ROBO1: variants seen among roughly 807,000 people sequenced by gnomAD.
ROBO1 encodes roundabout guidance receptor 1.
ROBO1 carries 149 observed loss-of-function variants against 195.9 expected under a neutral mutation model. That is an observed-to-expected ratio of 0.76 (90% CI 0.67 to 0.87). ROBO1 has a LOEUF of 0.87. Ranked by LOEUF, ROBO1 falls within the 40% of genes least tolerant of loss-of-function variation. The pLI is 0.00. For synonymous variants in ROBO1, 816 were observed against 733.2 expected (o/e 1.11, Z -1.82); for missense variants, 1,933 against 2,068.3 (o/e 0.93, Z 1.27).
At chr3:78,996,670 A>T (rs2077373831) in intron 3 of ROBO1, among the ~76,000 whole-genome samples, 1 of 152,144 alleles carries the variant, frequency 6.6e-6, no homozygotes, top group Admixed American at 6.6e-5. Context: ...TGAGTGAACA[A>T]GATAGATCCA....
At position 78,991,163 on chromosome 3, in the gene ROBO1, C is replaced by T. The variant is rs1436073519; in HGVS notation, c.173-52236G>A. 2.0e-5 allele frequency among the ~76,000 whole-genome samples: 3 copies of T among 152,114 alleles called. No individual in the cohort carries two copies. The East Asian group carries it at 5.8e-4, about 29-fold the overall frequency. ...ACAATGCCTCCTCTATTTCTGAAAA[C>T]CCACTGAAATAAATGTGCAAAGGTA... is the stretch of plus-strand genomic sequence containing the variant. On this transcript the variant is annotated intron_variant, in intron 3 of 30. Coordinates refer to ENST00000464233, the MANE Select transcript of ROBO1 (RefSeq NM_002941.4).
chr3:78,977,709 G>C (rs2076911904), intron 3 of ROBO1, among the ~76,000 whole-genome samples: 1 of 151,774 alleles, frequency 6.6e-6, no homozygotes, highest in Non-Finnish European at 1.5e-5. Flanking sequence ...GATCCACCTA[G>C]AAATATATAC....
At chr3:79,707,458 CT>C (rs1947808032) in intron 1 of ROBO1, among the ~76,000 whole-genome samples, 1 of 151,996 alleles carries the variant, frequency 6.6e-6, no homozygotes. Flanking sequence ...GCTCTCATTG[CT>C]TTTTCTCTGT....
intron 3 of ROBO1, among the ~76,000 whole-genome samples, chr3:78,951,014 A>G (rs1009832265): frequency 6.6e-6 from 1 of 151,696 alleles, no homozygotes; most frequent in African/African-American, 2.4e-5. Flanking sequence ...GGGAAAACCT[A>G]TATCATAAAT....
At chr3:78,946,776 C>G (rs1336001884) in intron 3 of ROBO1, among the ~76,000 whole-genome samples, 1 of 152,026 alleles carries the variant, frequency 6.6e-6, no homozygotes, top group African/African-American at 2.4e-5. Flanking sequence ...TTCAGGAGAC[C>G]CATCTCACGT....
intron 4 of ROBO1, among the ~76,000 whole-genome samples, chr3:78,926,422 G>T (rs1560008294): frequency 6.6e-6 from 1 of 152,180 alleles, no homozygotes; most frequent in Non-Finnish European, 1.5e-5. Flanking sequence ...TACTGAAGCT[G>T]TTCAGGAGAA....
intron 4 of ROBO1, among the ~76,000 whole-genome samples, chr3:78,828,314 C>T (rs1162571531): frequency 6.6e-6 from 1 of 152,068 alleles, no homozygotes; most frequent in Non-Finnish European, 1.5e-5. Flanking sequence ...GTCTAAAGGC[C>T]AATTTTCTAA....
chr3:79,503,442 A>G (rs1940221470), intron 2 of ROBO1, among the ~76,000 whole-genome samples: 1 of 152,198 alleles, frequency 6.6e-6, no homozygotes. Context: ...CAGTGAGACC[A>G]AGAACCTACC....
chr3:79,760,251 A>AAAAAAAAAAAAAAAAAAAAAAT (rs1704619991), intron 1 of ROBO1, among the ~76,000 whole-genome samples: 1 of 143,736 alleles, frequency 7.0e-6, no homozygotes, highest in Non-Finnish European at 1.5e-5. Flanking sequence ...AAAAAAAAAA[A>AAAAAAAAAAAAAAAAAAAAAAT]AAAAAAAAAA....
Position 78,617,876 on chromosome 3 carries a change from C to A in ROBO1, c.4041G>T (p.Leu1347Phe), listed in dbSNP as rs1479050285. 2.5e-6 allele frequency: 4 copies of A among 1,613,904 alleles called. No individual in the cohort carries two copies. The highest frequency in any genetic ancestry group is 3.4e-6 in the Non-Finnish European group (4 of 1,179,908). ...EVAKMQTRRL[L>F]LRGLEQTPAS... ...CAGGTGTCTGCTCAAGCCCACGTAA[C>A]AAAAGCCTTCTGGTTTGCATCTTGG... Residue 1347 changes from leucine to phenylalanine, a missense_variant, in exon 27 of 31, where the codon TTG becomes TTT. By Grantham distance (22) the Leu-to-Phe change is conservative. Coordinates refer to ENST00000464233, the MANE Select transcript of ROBO1 (RefSeq NM_002941.4).
At chr3:78,916,712 T>C (rs2038620296) in intron 4 of ROBO1, among the ~76,000 whole-genome samples, 4 of 152,204 alleles carry the variant, frequency 2.6e-5, no homozygotes, top group South Asian at 2.1e-4. Flanking sequence ...TATGGTATTA[T>C]AATCATTCGA....
chr3:78,686,992 T>C (rs533230693), intron 9 of ROBO1, among the ~76,000 whole-genome samples: 1 of 152,170 alleles, frequency 6.6e-6, no homozygotes, highest in African/African-American at 2.4e-5. Flanking sequence ...CACAACAAAA[T>C]TGATTCTTTT....
intron 2 of ROBO1, among the ~76,000 whole-genome samples, chr3:79,300,648 T>G (rs1012950898): frequency 1.3e-5 from 2 of 152,150 alleles, no homozygotes; most frequent in Non-Finnish European, 2.9e-5. Context: ...CTGCAGCCGG[T>G]GGGATCCACT....
chr3:79,313,914 A>G (rs1206772068), intron 2 of ROBO1, among the ~76,000 whole-genome samples: 1 of 152,212 alleles, frequency 6.6e-6, no homozygotes, highest in Non-Finnish European at 1.5e-5. Flanking sequence ...GAGGCAAGCA[A>G]TAAAGATAAA....
intron 3 of ROBO1, among the ~76,000 whole-genome samples, chr3:79,015,618 C>T (rs1247822370): frequency 2.0e-5 from 3 of 152,062 alleles, no homozygotes; most frequent in African/African-American, 7.2e-5. Flanking sequence ...GCAAACTCAC[C>T]AGAAGTCTGT....
At chr3:79,754,719 C>G (rs542977312) in intron 1 of ROBO1, among the ~76,000 whole-genome samples, 1 of 152,262 alleles carries the variant, frequency 6.6e-6, no homozygotes, top group African/African-American at 2.4e-5. Context: ...CAAAATCTTT[C>G]TTTGCTGCTC....
At chr3:78,727,403 G>A (rs1444531728) in intron 5 of ROBO1, among the ~76,000 whole-genome samples, 1 of 152,098 alleles carries the variant, frequency 6.6e-6, no homozygotes, top group Non-Finnish European at 1.5e-5. Flanking sequence ...GAGGCGGGCG[G>A]ATCACAAGGT....
intron 4 of ROBO1, among the ~76,000 whole-genome samples, chr3:78,816,948 G>A (rs72894461): frequency 0.031 from 4,646 of 151,636 alleles, 187 homozygotes; most frequent in African/African-American, 0.096. Flanking sequence ...ACTGACCTGC[G>A]CAGTGTGCAC....
At chr3:78,830,475 G>T (rs2032066746) in intron 4 of ROBO1, among the ~76,000 whole-genome samples, 1 of 152,194 alleles carries the variant, frequency 6.6e-6, no homozygotes, top group Non-Finnish European at 1.5e-5. Context: ...GTTCAGCATG[G>T]CTGGGGAGGC....
Sources: gnomAD v4.1 joint callset for allele counts (sites outside exome capture counted in the v4.1 genomes callset) on GRCh38, gnomAD v4.1.1 for gene constraint, MANE v1.5 for transcripts, NCBI Gene and HGNC (gene_info 2026-07-23, HGNC 2026-07-21) for gene names.